The following GRB14 variants were observed in gnomAD, a reference collection of about 807,000 sequenced individuals.
GRB14 encodes growth factor receptor bound protein 14.
A neutral mutation model predicts 69.1 loss-of-function variants in GRB14; 38 were observed. The ratio of observed to expected loss-of-function variants is 0.55; its 90% CI spans 0.42 to 0.72. The LOEUF is 0.72. GRB14 is among the 30% of genes least tolerant of loss of function. The pLI is 0.00. For missense variants in GRB14, 666 were observed against 666.1 expected (o/e 1.00, Z 0.00); for synonymous variants, 247 against 241.3 (o/e 1.02, Z -0.22).
intron 2 of GRB14, among the ~76,000 whole-genome samples, chr2:164,585,013 C>T (rs1434084771): frequency 6.9e-6 from 1 of 144,116 alleles, no homozygotes. Context: ...GTGGTCTTGG[C>T]TCAACTGCAA....
rs1688645015 is a variant in GRB14 at position 164,555,108 on chromosome 2, G to A, written c.325-7292C>T. ...ACCTGAAATTCTAAGAACATATTTG[G>A]AAAGCTATAACTAAGGAAAAAAGTG... On this transcript the variant is annotated intron_variant, in intron 2 of 13. Transcript: ENST00000263915. 2.0e-5 allele frequency among the ~76,000 whole-genome samples: 3 copies of A among 152,154 alleles called. 1 individual carries two copies. In the South Asian group the frequency reaches 6.2e-4, roughly 31 times the overall value.
chr2:164,505,465 A>G (rs1389288225), intron 8 of GRB14, among the ~76,000 whole-genome samples: 2 of 152,208 alleles, frequency 1.3e-5, no homozygotes, highest in Non-Finnish European at 1.5e-5. Flanking sequence ...AGAAATCACC[A>G]GCATCAAACC....
chr2:164,495,981 C>T (rs1335823403), intron 12 of GRB14, among the ~76,000 whole-genome samples: 1 of 152,164 alleles, frequency 6.6e-6, no homozygotes, highest in East Asian at 1.9e-4. Context: ...CTTTGTGACT[C>T]ATTTATTTTC....
intron 12 of GRB14, among the ~76,000 whole-genome samples, chr2:164,495,128 G>C (rs1222997475): frequency 6.6e-6 from 1 of 152,010 alleles, no homozygotes; most frequent in East Asian, 1.9e-4. Flanking sequence ...TTTTAGCAGA[G>C]ACAGGGTTTC....
At chr2:164,616,469 A>ATT (rs1690300443) in intron 2 of GRB14, among the ~76,000 whole-genome samples, 1 of 149,664 alleles carries the variant, frequency 6.7e-6, no homozygotes, top group Admixed American at 6.7e-5. Flanking sequence ...ATTCTCTCTC[A>ATT]CTCTAGCTTT....
intron 3 of GRB14, among the ~76,000 whole-genome samples, chr2:164,537,782 G>T (rs1270099985): frequency 6.6e-6 from 1 of 152,104 alleles, no homozygotes; most frequent in African/African-American, 2.4e-5. Context: ...CGGTCTGTGC[G>T]TGCCACCAGG....
At chr2:164,603,669 A>T (rs925432937) in intron 2 of GRB14, among the ~76,000 whole-genome samples, 10 of 111,766 alleles carry the variant, frequency 8.9e-5, no homozygotes, top group African/African-American at 2.6e-4. Context: ...CCTCAAAAAA[A>T]AAATATATAT....
chr2:164,529,747 T>C lies in GRB14; in HGVS notation c.482-2612A>G, dbSNP rs149135215. Among the ~76,000 whole-genome samples the C allele has an allele frequency of 4.3e-3, 657 of 152,332 alleles. 1 individual carries two copies. Among genetic ancestry groups the C allele is most frequent in the Admixed American group, 6.9e-3 (106 of 15,292 alleles). Reference sequence around the variant, plus strand: ...CTTCAAGCCTCTACTTTCTCATTCTTCTAATCCAACGTGGACACCGATAGC... The same window carrying C: ...CTTCAAGCCTCTACTTTCTCATTCTCCTAATCCAACGTGGACACCGATAGC... On this transcript the variant is annotated intron_variant, in intron 3 of 13. Coordinates refer to ENST00000263915, the MANE Select transcript of GRB14 (RefSeq NM_004490.3).
intron 3 of GRB14, among the ~76,000 whole-genome samples, chr2:164,531,476 C>A (rs1687934259): frequency 6.6e-6 from 1 of 152,156 alleles, no homozygotes; most frequent in African/African-American, 2.4e-5. Context: ...ATGAATTCTG[C>A]CCTCATACTA....
intron 2 of GRB14, among the ~76,000 whole-genome samples, chr2:164,594,077 A>G (rs1689730488): frequency 6.6e-6 from 1 of 152,146 alleles, no homozygotes; most frequent in Non-Finnish European, 1.5e-5. Flanking sequence ...AGGGGAGTCT[A>G]TTCAAAAACT....
Position 164,525,004 on chromosome 2 carries a change from C to T in GRB14, c.678G>A (p.Gln226=), listed in dbSNP as rs1274409840. 6.5e-7 allele frequency: 1 copy of T among 1,539,146 alleles called. No homozygotes were observed. The change falls in exon 5 of 14, where the codon CAG becomes CAA. Residue 226 remains glutamine (Q), a splice_region_variant and synonymous_variant. Transcript: ENST00000263915. ...ATATGTTAATAAAAATATATTTTAC[C>T]TGCAAAATCTGTGTGGGGGATATTT... ...NGEISPTQIL[Q]MFLSSSTYPE...
chr2:164,548,312 G>C (rs1267240775), intron 2 of GRB14, among the ~76,000 whole-genome samples: 2 of 152,108 alleles, frequency 1.3e-5, no homozygotes, highest in African/African-American at 2.4e-5. Context: ...ATGTCCTCTG[G>C]GTTCATCCAT....
rs541477666 is a variant in GRB14 at position 164,523,412 on chromosome 2, C to T, written c.679-1295G>A. ...AGACAGTGGAAATGCATTAGTGTCT[C>T]ATTTAAAAAAAAAAAGAAAATAGAA... is the stretch of plus-strand genomic sequence containing the variant. On this transcript the variant is annotated intron_variant, in intron 5 of 13. Coordinates refer to ENST00000263915, the MANE Select transcript of GRB14 (RefSeq NM_004490.3). Among the ~76,000 whole-genome samples, 4 of 149,108 alleles carry T rather than the reference C, an allele frequency of 2.7e-5. No individual in the cohort carries two copies. In the East Asian group the frequency reaches 7.8e-4, roughly 29 times the overall value.
chr2:164,504,148 C>T (rs566522856), intron 8 of GRB14, among the ~76,000 whole-genome samples: 1 of 151,836 alleles, frequency 6.6e-6, no homozygotes, highest in African/African-American at 2.4e-5. Context: ...AAAAGAGAGT[C>T]TCCATCTGAT....
chr2:164,505,920 G>T (rs1169500322), intron 8 of GRB14, among the ~76,000 whole-genome samples: 2 of 152,096 alleles, frequency 1.3e-5, no homozygotes, highest in African/African-American at 4.8e-5. Context: ...TAGATTAAGT[G>T]AAATGCTGAT....
At chr2:164,557,463 A>G (rs943512565) in intron 2 of GRB14, among the ~76,000 whole-genome samples, 2 of 152,248 alleles carry the variant, frequency 1.3e-5, no homozygotes, top group African/African-American at 4.8e-5. Context: ...ACAGTTTTAC[A>G]TGAATATGAT....
At chr2:164,599,781 C>T (rs1212080607) in intron 2 of GRB14, among the ~76,000 whole-genome samples, 1 of 152,136 alleles carries the variant, frequency 6.6e-6, no homozygotes, top group Non-Finnish European at 1.5e-5. Context: ...TATTACACAA[C>T]AAATCATCTG....
intron 12 of GRB14, among the ~76,000 whole-genome samples, chr2:164,495,969 T>C (rs904432002): frequency 6.6e-6 from 1 of 152,244 alleles, no homozygotes; most frequent in Admixed American, 6.5e-5. Flanking sequence ...ATTTTAATAA[T>C]TCTTTGTGAC....
chr2:164,598,228 T>A (rs1274318877), intron 2 of GRB14, among the ~76,000 whole-genome samples: 1 of 152,196 alleles, frequency 6.6e-6, no homozygotes, highest in East Asian at 1.9e-4. Context: ...CAAGTTGGCA[T>A]TCAGAAAGCA....
Sources: gnomAD v4.1 joint callset for allele counts (sites outside exome capture counted in the v4.1 genomes callset) on GRCh38, gnomAD v4.1.1 for gene constraint, MANE v1.5 for transcripts, NCBI Gene and HGNC (gene_info 2026-07-23, HGNC 2026-07-21) for gene names.